The following LRRTM3 variants were observed in gnomAD, a reference collection of about 807,000 sequenced individuals.
LRRTM3 encodes leucine rich repeat transmembrane neuronal 3.
A neutral mutation model predicts 44.7 loss-of-function variants in LRRTM3; 24 were observed. That is an observed-to-expected ratio of 0.54 (90% confidence interval 0.39 to 0.76). The LOEUF is 0.76. Ranked by LOEUF, LRRTM3 falls within the 30% of genes least tolerant of loss-of-function variation. The probability of loss-of-function intolerance (pLI) is 0.00; values close to 1 mark genes in which losing one functional copy is unlikely to be tolerated. For missense variants in LRRTM3, 587 were observed against 702.2 expected, an observed-to-expected ratio of 0.84 and a Z score of 1.85; for synonymous variants, 277 against 278.7, an observed-to-expected ratio of 0.99 and a Z score of 0.06.
chr10:66,940,806 T>A (rs1423085896), intron 2 of LRRTM3, among the ~76,000 whole-genome samples: 1 of 152,126 alleles, frequency 6.6e-6, no homozygotes, highest in African/African-American at 2.4e-5. Context: ...ACTTATCTGA[T>A]CTTCAGTTTG....
chr10:66,980,343 C>T (rs1028393819), intron 2 of LRRTM3, among the ~76,000 whole-genome samples: 2 of 152,138 alleles, frequency 1.3e-5, no homozygotes, highest in Non-Finnish European at 2.9e-5. Flanking sequence ...CGAGGAAATG[C>T]TTACTGTCTG....
At chr10:67,003,508 C>T (rs1005342370) in intron 2 of LRRTM3, among the ~76,000 whole-genome samples, 4 of 152,126 alleles carry the variant, frequency 2.6e-5, no homozygotes, top group South Asian at 2.1e-4. Context: ...TACTATATTC[C>T]CAATCCTTAG....
At chr10:67,051,384 C>T (rs144640197) in intron 2 of LRRTM3, among the ~76,000 whole-genome samples, 236 of 152,294 alleles carry the variant, frequency 1.5e-3, no homozygotes, top group Non-Finnish European at 2.1e-3. Flanking sequence ...GATCTATTTT[C>T]CCTTGGACAT....
At chr10:67,088,822 C>A (rs1450798216) in intron 2 of LRRTM3, among the ~76,000 whole-genome samples, 1 of 151,916 alleles carries the variant, frequency 6.6e-6, no homozygotes, top group Non-Finnish European at 1.5e-5. Flanking sequence ...ATATTGAGTT[C>A]CTGCCTTATT....
chr10:67,071,984 C>T (rs1158571869), intron 2 of LRRTM3, among the ~76,000 whole-genome samples: 10 of 152,144 alleles, frequency 6.6e-5, no homozygotes, highest in African/African-American at 2.2e-4. Flanking sequence ...GACACAGTCT[C>T]ATTCTGTTGC....
At chr10:67,016,374 TTTTG>T (rs143589395) in intron 2 of LRRTM3, among the ~76,000 whole-genome samples, 2,753 of 152,260 alleles carry the variant, frequency 0.018, 84 homozygotes, top group African/African-American at 0.062. Flanking sequence ...CCTCGTTTCT[TTTTG>T]TTTGTTTGTT....
At chr10:66,980,234 A>C (rs1850334400) in intron 2 of LRRTM3, among the ~76,000 whole-genome samples, 1 of 152,172 alleles carries the variant, frequency 6.6e-6, no homozygotes, top group African/African-American at 2.4e-5. Context: ...GATGAAGTCA[A>C]TTACTAATTT....
intron 2 of LRRTM3, among the ~76,000 whole-genome samples, chr10:66,996,980 C>T (rs1851390928): frequency 6.6e-6 from 1 of 151,918 alleles, no homozygotes; most frequent in South Asian, 2.1e-4. Context: ...GGATTAAATG[C>T]AAAAGATAAT....
Position 66,928,037 on chromosome 10 carries a change from C to A in LRRTM3, c.1121C>A (p.Ala374Asp). The A allele has an allele frequency of 6.2e-7, 1 of 1,614,100 alleles. No individual in the cohort carries two copies. Among genetic ancestry groups the A allele is most frequent in the South Asian group, 1.1e-5 (1 of 91,084 alleles). Residue 374 changes from alanine (A) to aspartate (D), a missense_variant, in exon 2 of 3, where the codon GCT (alanine) becomes GAT (aspartate). Coordinates refer to ENST00000361320, the MANE Select transcript of LRRTM3 (RefSeq NM_178011.5). The stretch of plus-strand genomic sequence containing the variant: ...ACAGAGAGGTTTGATCTGGCCAGGG[C>A]TCTCCCAAAGCCGACGTTTAAGCCC... ...STTERFDLARALPKPTFKPKL... is the reference protein window; with the variant it reads ...STTERFDLARDLPKPTFKPKL...
chr10:67,062,080 T>C (rs1446777906), intron 2 of LRRTM3, among the ~76,000 whole-genome samples: 12 of 152,128 alleles, frequency 7.9e-5, no homozygotes, highest in Admixed American at 7.9e-4. Context: ...CTTTAAGAAC[T>C]CACTAATATG....
chr10:66,973,038 A>G (rs1183153566), intron 2 of LRRTM3, among the ~76,000 whole-genome samples: 1 of 152,224 alleles, frequency 6.6e-6, no homozygotes, highest in Non-Finnish European at 1.5e-5. Flanking sequence ...TTTACAAAAT[A>G]TGCTATAATA....
rs182657690 is a variant in LRRTM3, at chr10:67,100,223, T to C, written c.*2427T>C. On this transcript the variant is annotated 3_prime_UTR_variant, in exon 3 of 3. Coordinates refer to ENST00000361320, the MANE Select transcript of LRRTM3 (RefSeq NM_178011.5). ...TTCTTTCTTAAATATTTTAAATTCA[T>C]CTAAAGTGAACGACTATAAATAGAA... Among the ~76,000 whole-genome samples the C allele has an allele frequency of 1.1e-3, 166 of 151,820 alleles. 1 individual carries two copies. Among genetic ancestry groups the C allele is most frequent in the African/African-American group, 3.9e-3 (160 of 41,494 alleles).
intron 2 of LRRTM3, among the ~76,000 whole-genome samples, chr10:67,041,725 C>T (rs1854405665): frequency 6.6e-6 from 1 of 152,036 alleles, no homozygotes; most frequent in Non-Finnish European, 1.5e-5. Context: ...GAGTTCTTAC[C>T]ATGAGCTAGG....
intron 2 of LRRTM3, among the ~76,000 whole-genome samples, chr10:67,045,569 T>TC (rs1434812556): frequency 2.0e-5 from 3 of 152,150 alleles, no homozygotes; most frequent in African/African-American, 7.2e-5. Context: ...AGCGCCAGGT[T>TC]CCCCACGAAC....
intron 2 of LRRTM3, among the ~76,000 whole-genome samples, chr10:67,040,810 A>G (rs1356619213): frequency 6.6e-6 from 1 of 152,128 alleles, no homozygotes. Context: ...ATTATACCAC[A>G]TGATGTTAAA....
intron 2 of LRRTM3, among the ~76,000 whole-genome samples, chr10:66,956,047 AC>A (rs1385282887): frequency 6.6e-6 from 1 of 151,800 alleles, no homozygotes; most frequent in Non-Finnish European, 1.5e-5. Context: ...AAATATTAAG[AC>A]CCTAGAGCTA....
In LRRTM3 at chr10:67,065,737, G is replaced by A. The variant is rs1446356748; in HGVS notation, c.1537-31850G>A. On this transcript the variant is annotated intron_variant, in intron 2 of 2. Transcript: ENST00000361320. Reference sequence around the variant, plus strand: ...TAAAAAACTAAGCCACACGATAAAGGAGGCATATATGTGAATGACCAAATG... The same window carrying A: ...TAAAAAACTAAGCCACACGATAAAGAAGGCATATATGTGAATGACCAAATG... Among the ~76,000 whole-genome samples, 5 of 152,200 alleles carry A rather than the reference G, an allele frequency of 3.3e-5. No individual in the cohort carries two copies. In the East Asian group the frequency reaches 9.7e-4, roughly 29 times the overall value.
At chr10:66,957,063 T>C (rs895064170) in intron 2 of LRRTM3, among the ~76,000 whole-genome samples, 54 of 152,192 alleles carry the variant, frequency 3.5e-4, no homozygotes, top group African/African-American at 1.3e-3. Context: ...TCTGTCTAAA[T>C]TGAATTCATG....
rs537301993 is a variant in LRRTM3, at chr10:67,020,473, G to C, written c.1537-77114G>C. 1.7e-3 allele frequency among the ~76,000 whole-genome samples: 259 copies of C among 152,206 alleles called. 2 individuals are homozygous for C. Among genetic ancestry groups the C allele is most frequent in the African/African-American group, 5.9e-3 (246 of 41,546 alleles). On this transcript the variant is annotated intron_variant, in intron 2 of 2. Transcript: ENST00000361320. Reference sequence around the variant, plus strand: ...GTTAAGCTATGTAGGATTCATCTCTGTTCACTTACAGAGTCTAACAATTTA... The same window carrying C: ...GTTAAGCTATGTAGGATTCATCTCTCTTCACTTACAGAGTCTAACAATTTA...
Sources: gnomAD v4.1 joint callset for allele counts (sites outside exome capture counted in the v4.1 genomes callset) on GRCh38, gnomAD v4.1.1 for gene constraint, MANE v1.5 for transcripts, NCBI Gene and HGNC (gene_info 2026-07-23, HGNC 2026-07-21) for gene names.